Variants in MRPS6 observed in about 807,000 individuals in gnomAD.
The protein encoded by MRPS6 is mitochondrial ribosomal protein S6, also known as small ribosomal subunit protein bS6m.
Under a neutral mutation model 13.1 loss-of-function variants are expected in MRPS6, and 6 were observed. The ratio of observed to expected loss-of-function variants is 0.46; its 90% CI spans 0.25 to 0.91. The LOEUF (loss-of-function observed/expected upper bound fraction) is 0.91. Among genes scored for constraint, MRPS6 ranks in the 40% least tolerant of loss-of-function variants. The pLI, the probability that MRPS6 is intolerant of heterozygous loss-of-function variation, is 0.18. For missense variants in MRPS6, 164 were observed against 155.6 expected, an observed-to-expected ratio of 1.05 and a Z score of -0.29; for synonymous variants, 61 against 56.5, an observed-to-expected ratio of 1.08 and a Z score of -0.36.
intron 1 of MRPS6, among the ~76,000 whole-genome samples, chr21:34,120,816 G>A (rs1043352989): frequency 2.0e-5 from 3 of 152,204 alleles, no homozygotes; most frequent in African/African-American, 7.2e-5. Context: ...GGTACTGCGT[G>A]AAGTAAATGG....
At chr21:34,098,846 A>G (rs918431635) in intron 1 of MRPS6, 10 of 999,970 alleles carry the variant, frequency 1.0e-5, no homozygotes, top group Admixed American at 1.2e-4. Context: ...TTTGTCCTCC[A>G]TGAAAGATGA....
At chr21:34,116,891 C>G (rs375732937) in intron 1 of MRPS6, among the ~76,000 whole-genome samples, 2 of 152,174 alleles carry the variant, frequency 1.3e-5, no homozygotes, top group Non-Finnish European at 2.9e-5. Context: ...CCTACACTCC[C>G]TTGTACCTAC....
chr21:34,073,792 G>T, intron 1 of MRPS6, 47 bp downstream of exon 1: 1 of 1,381,518 alleles, frequency 7.2e-7, no homozygotes, highest in Non-Finnish European at 9.6e-7. Context: ...GGGCGCCCCC[G>T]CTGCCGCTAG....
intron 1 of MRPS6, chr21:34,123,703 A>G (rs1415987417): frequency 1.3e-5 from 2 of 152,070 alleles, no homozygotes; most frequent in African/African-American, 4.8e-5. Context: ...CAACTTGCCC[A>G]TGTGTTTTCT....
chr21:34,082,178 G>C (rs1449802652), intron 1 of MRPS6, among the ~76,000 whole-genome samples: 6 of 152,076 alleles, frequency 3.9e-5, no homozygotes, highest in African/African-American at 1.4e-4. Flanking sequence ...TTAGCTGTAG[G>C]TTGTCTGTAA....
At chr21:34,092,518 G>A (rs73363308) in intron 1 of MRPS6, among the ~76,000 whole-genome samples, 10,260 of 152,250 alleles carry the variant, frequency 0.067, 1,176 homozygotes, top group African/African-American at 0.23. Context: ...TGGGCAGAGC[G>A]ACTTTACTAG....
At chr21:34,130,917 A>C (rs1467176645) in intron 2 of MRPS6, among the ~76,000 whole-genome samples, 1 of 152,182 alleles carries the variant, frequency 6.6e-6, no homozygotes, top group African/African-American at 2.4e-5. Flanking sequence ...ACATGTAAAA[A>C]CAAACCTTTA....
chr21:34,116,740 C>T (rs1231295923), intron 1 of MRPS6, among the ~76,000 whole-genome samples: 1 of 152,076 alleles, frequency 6.6e-6, no homozygotes, highest in African/African-American at 2.4e-5. Context: ...AGTGCCGGCA[C>T]AATGCTGAAA....
intron 2 of MRPS6, among the ~76,000 whole-genome samples, chr21:34,138,447 A>C (rs978947997): frequency 2.6e-5 from 4 of 152,210 alleles, no homozygotes; most frequent in Admixed American, 6.5e-5. Flanking sequence ...CTCATCTAAC[A>C]AAGGGCTAAT....
At chr21:34,120,938 A>AC (rs1470943879) in intron 1 of MRPS6, among the ~76,000 whole-genome samples, 1 of 152,220 alleles carries the variant, frequency 6.6e-6, no homozygotes, top group Non-Finnish European at 1.5e-5. Context: ...AAGGAAACTT[A>AC]GAGTTCCTTG....
At chr21:34,112,168 A>C (rs1423478255) in intron 1 of MRPS6, among the ~76,000 whole-genome samples, 1 of 152,174 alleles carries the variant, frequency 6.6e-6, no homozygotes, top group Admixed American at 6.5e-5. Flanking sequence ...AGTTATATTA[A>C]GTACAGTTAG....
chr21:34,132,285 G>C (rs989414442), intron 2 of MRPS6, among the ~76,000 whole-genome samples: 7 of 152,198 alleles, frequency 4.6e-5, no homozygotes, highest in Non-Finnish European at 1.0e-4. Context: ...TTTTGGTAGC[G>C]TTTTCTTTCT....
At chr21:34,097,203 C>G in intron 1 of MRPS6, 1 of 1,614,054 alleles carries the variant, frequency 6.2e-7, no homozygotes, top group Non-Finnish European at 8.5e-7. Flanking sequence ...AAGTAAGAGC[C>G]TCAGCAAGAG....
intron 2 of MRPS6, among the ~76,000 whole-genome samples, chr21:34,140,602 C>G (rs1274761412): frequency 6.6e-6 from 1 of 152,128 alleles, no homozygotes; most frequent in South Asian, 2.1e-4. Flanking sequence ...TTCACTTTTT[C>G]TATATCCTTG....
intron 1 of MRPS6, among the ~76,000 whole-genome samples, chr21:34,110,491 G>GAA (rs576036617): frequency 1.4e-5 from 2 of 140,964 alleles, no homozygotes; most frequent in African/African-American, 5.2e-5. Context: ...TCATTAAAAA[G>GAA]AAAAAAAAAA....
intron 1 of MRPS6, among the ~76,000 whole-genome samples, chr21:34,086,825 G>T (rs1405596920): frequency 0.032 from 2 of 62 alleles, no homozygotes; most frequent in African/African-American, 0.1. Flanking sequence ...TTGTAATGGA[G>T]AGGTGGAAGA....
At chr21:34,138,914 A>G (rs1980802978) in intron 2 of MRPS6, among the ~76,000 whole-genome samples, 1 of 151,972 alleles carries the variant, frequency 6.6e-6, no homozygotes, top group Non-Finnish European at 1.5e-5. Context: ...ACTATTCACA[A>G]TAGCAAAGAC....
intron 1 of MRPS6, among the ~76,000 whole-genome samples, chr21:34,119,691 G>T (rs1980053772): frequency 6.6e-6 from 1 of 152,122 alleles, no homozygotes; most frequent in South Asian, 2.1e-4. Context: ...TATATTGGAG[G>T]CCACTGGCTT....
chr21:34,103,546 G>A (rs1979343055), intron 1 of MRPS6: 3 of 999,984 alleles, frequency 3.0e-6, no homozygotes, highest in African/African-American at 3.5e-5. Context: ...TATATTCCAT[G>A]ATAGAAAGCT....
Sources: allele counts gnomAD v4.1 joint callset (sites outside exome capture counted in the v4.1 genomes callset), GRCh38; gene constraint gnomAD v4.1.1; transcripts MANE v1.5; gene names NCBI Gene and HGNC (gene_info 2026-07-23, HGNC 2026-07-21).